The following DLG2 variants were observed in gnomAD, a reference collection of about 807,000 sequenced individuals.
DLG2 encodes the protein disks large homolog 2.
In DLG2, 45 loss-of-function variants were observed where a neutral mutation model predicts 132.5. The observed-to-expected ratio is 0.34, with a 90% CI of 0.27 to 0.44. DLG2 has a LOEUF of 0.44. DLG2 is among the 20% of genes least tolerant of loss of function. The pLI, the probability that DLG2 is intolerant of heterozygous loss-of-function variation, is 1.00. For missense variants in DLG2, 1,045 were observed against 1,196.9 expected, an observed-to-expected ratio of 0.87 and a Z score of 1.87; for synonymous variants, 424 against 419.6, an observed-to-expected ratio of 1.01 and a Z score of -0.13.
intron 3 of DLG2, among the ~76,000 whole-genome samples, chr11:85,381,617 C>T (rs1221880712): frequency 1.3e-5 from 2 of 151,368 alleles, no homozygotes; most frequent in Non-Finnish European, 2.9e-5. Context: ...AATTCACACA[C>T]AAAAAAGAAA....
At chr11:84,058,111 C>T (rs1033556446) in intron 11 of DLG2, among the ~76,000 whole-genome samples, 4 of 148,532 alleles carry the variant, frequency 2.7e-5, no homozygotes, top group Admixed American at 2.0e-4. Context: ...TCTTAAATAC[C>T]ACCCACTACT....
chr11:84,173,642 G>A (rs938105155), intron 8 of DLG2, among the ~76,000 whole-genome samples: 58 of 152,240 alleles, frequency 3.8e-4, no homozygotes, highest in Middle Eastern at 3.4e-3. Context: ...TAGCATGAGG[G>A]AAAATATCAA....
chr11:83,666,743 T>A (rs540576781), intron 18 of DLG2, among the ~76,000 whole-genome samples: 1 of 152,204 alleles, frequency 6.6e-6, no homozygotes, highest in Non-Finnish European at 1.5e-5. Context: ...GACTCCACCA[T>A]GAGTTGAAAA....
At chr11:85,415,797 A>G (rs2089784777) in intron 3 of DLG2, among the ~76,000 whole-genome samples, 1 of 152,062 alleles carries the variant, frequency 6.6e-6, no homozygotes, top group African/African-American at 2.4e-5. Flanking sequence ...CCCATTCTGT[A>G]GGTTGCCTGC....
intron 3 of DLG2, chr11:85,453,510 C>T (rs561159793): frequency 4.6e-4 from 72 of 157,970 alleles, no homozygotes; most frequent in Non-Finnish European, 8.6e-4. Context: ...CAGGTAGCAG[C>T]AGAGATGGTA....
rs143562021 is a variant in DLG2, at chr11:85,085,116, G to A, written c.357+26545C>T. On this transcript the variant is annotated intron_variant, in intron 6 of 27. Coordinates refer to ENST00000376104, the MANE Select transcript of DLG2 (RefSeq NM_001142699.3). ...CTTATACACAATTTCTTAAGACACT[G>A]CAATAGAAACAGAATAAAAATTACA... Among the ~76,000 whole-genome samples the A allele has an allele frequency of 3.5e-3, 529 of 152,142 alleles. 4 individuals carry two copies. The highest frequency in any genetic ancestry group is 5.6e-3 in the Non-Finnish European group (378 of 67,964).
At chr11:84,865,563 C>T (rs552424774) in intron 6 of DLG2, among the ~76,000 whole-genome samples, 3 of 152,148 alleles carry the variant, frequency 2.0e-5, no homozygotes, top group African/African-American at 4.8e-5. Context: ...ACACCAAATT[C>T]TAAATGTAGC....
chr11:85,053,851 TA>T (rs2063164793), intron 6 of DLG2, among the ~76,000 whole-genome samples: 1 of 146,468 alleles, frequency 6.8e-6, no homozygotes, highest in Non-Finnish European at 1.5e-5. Context: ...CCTCATGGCC[TA>T]AAGTGTAGAA....
At chr11:85,228,823 T>C (rs1385591963) in intron 4 of DLG2, among the ~76,000 whole-genome samples, 1 of 151,716 alleles carries the variant, frequency 6.6e-6, no homozygotes, top group African/African-American at 2.4e-5. Context: ...CTATTTTTAT[T>C]AATGTAATTA....
At chr11:85,392,036 A>C (rs143312174) in intron 3 of DLG2, among the ~76,000 whole-genome samples, 1 of 152,096 alleles carries the variant, frequency 6.6e-6, no homozygotes, top group Admixed American at 6.6e-5. Flanking sequence ...TACCTAGAAA[A>C]CCCTAAAGAC....
intron 6 of DLG2, among the ~76,000 whole-genome samples, chr11:84,542,338 G>A (rs1197791922): frequency 6.6e-6 from 1 of 152,164 alleles, no homozygotes; most frequent in African/African-American, 2.4e-5. Context: ...ATAAAATTAA[G>A]TAATAATTAC....
At chr11:84,838,354 T>G (rs902782245) in intron 6 of DLG2, among the ~76,000 whole-genome samples, 3 of 151,480 alleles carry the variant, frequency 2.0e-5, no homozygotes, top group African/African-American at 7.3e-5. Context: ...AGCTAGTGGA[T>G]CCTGTCTTTA....
chr11:84,112,322 C>CTTTTTTTTTTTTTTTTTTTTTTTTT (rs60021668), intron 9 of DLG2, among the ~76,000 whole-genome samples: 2 of 119,234 alleles, frequency 1.7e-5, no homozygotes, highest in Non-Finnish European at 3.4e-5. Context: ...TTTACTTTTC[C>CTTTTTTTTTTTTTTTTTTTTTTTTT]TTTTTTTTTT....
rs574888659 is a variant in DLG2, at chr11:84,382,871, CA to C, written c.520-131581del. ...TAGGCGACAGAGCGAGACTCCGTCA[CA>C]AAAAAAAAAAAGTTCCCATATCCAG... is the stretch of plus-strand genomic sequence containing the variant. On this transcript the variant is annotated intron_variant, in intron 7 of 27. Coordinates refer to ENST00000376104, the MANE Select transcript of DLG2 (RefSeq NM_001142699.3). 6.3e-3 allele frequency among the ~76,000 whole-genome samples: 902 copies of C among 143,584 alleles called. 16 individuals are homozygous for C. In the East Asian group the frequency reaches 0.066, roughly 11 times the overall value. 94.2% of individuals were successfully genotyped at this position (143,584 alleles called of 152,430 possible). A position where few individuals can be genotyped will look rare whatever the true frequency, so the allele number is the denominator to read the frequency against.
At position 84,752,412 on chromosome 11, in the gene DLG2, T is replaced by TA. The variant is rs1010780674; in HGVS notation, c.358-217682dup. On this transcript the variant is annotated intron_variant, in intron 6 of 27. Coordinates refer to ENST00000376104, the MANE Select transcript of DLG2 (RefSeq NM_001142699.3). ...AATATGTGCTGTGAAAATAACTTTT[T>TA]AAAAAAACTGTAGCAGTGTAAGAAG... is the stretch of plus-strand genomic sequence containing the variant. 2.0e-5 allele frequency among the ~76,000 whole-genome samples: 3 copies of TA among 152,092 alleles called. No individual in the cohort carries two copies. The East Asian group carries it at 5.8e-4, about 29-fold the overall frequency.
At chr11:85,558,549 A>G (rs1283101985) in intron 3 of DLG2, among the ~76,000 whole-genome samples, 1 of 151,942 alleles carries the variant, frequency 6.6e-6, no homozygotes, top group Non-Finnish European at 1.5e-5. Flanking sequence ...ATAGGTGCCC[A>G]TCAATAGTGG....
chr11:84,983,527 A>C (rs192349147), intron 6 of DLG2, among the ~76,000 whole-genome samples: 128 of 152,312 alleles, frequency 8.4e-4, no homozygotes, highest in African/African-American at 3.0e-3. Context: ...CCTCTGACAG[A>C]GCCTACCTAA....
intron 7 of DLG2, among the ~76,000 whole-genome samples, chr11:84,431,907 A>C (rs1184293991): frequency 6.6e-6 from 1 of 152,098 alleles, no homozygotes; most frequent in Non-Finnish European, 1.5e-5. Context: ...TTTTTTTAGT[A>C]ATAGATGAAA....
At chr11:84,388,193 T>A (rs1185621664) in intron 7 of DLG2, among the ~76,000 whole-genome samples, 2 of 152,074 alleles carry the variant, frequency 1.3e-5, no homozygotes, top group East Asian at 3.9e-4. Flanking sequence ...AGCAGAGAAG[T>A]TATTACTGGA....
Sources: allele counts gnomAD v4.1 joint callset (sites outside exome capture counted in the v4.1 genomes callset), GRCh38; gene constraint gnomAD v4.1.1; transcripts MANE v1.5; gene names NCBI Gene and HGNC (gene_info 2026-07-23, HGNC 2026-07-21).